Variants in EPG5 observed in about 807,000 individuals in gnomAD.
The protein encoded by EPG5 is ectopic P granules protein 5 homolog.
Under a neutral mutation model 302.7 loss-of-function variants are expected in EPG5, and 159 were observed. The observed-to-expected ratio is 0.53, with a 90% confidence interval of 0.46 to 0.60. The LOEUF is 0.60. Among genes scored for constraint, EPG5 ranks in the 20% least tolerant of loss-of-function variants. The pLI is 0.00. For synonymous variants in EPG5, 1,158 were observed against 1,136.8 expected (o/e 1.02, Z -0.37); for missense variants, 2,896 against 3,092.4 (o/e 0.94, Z 1.51).
rs369326039 is a variant in EPG5, at chr18:45,879,017, T to C, written c.5865A>G (p.Lys1955=). The part of the protein sequence containing the change: ...CLAQDPTASR[K]TVLKSLHSVI... ...ATCGCATGAGAAGTATATTACCTGTTTTCCTGCTGGCAGTTGGGTCTTGGG... is the reference window on the plus strand; with the variant it reads ...ATCGCATGAGAAGTATATTACCTGTCTTCCTGCTGGCAGTTGGGTCTTGGG... Residue 1955 remains lysine (K), a synonymous_variant, in exon 33 of 44, where the codon AAA becomes AAG. Transcript: ENST00000282041. 1.2e-5 allele frequency: 19 copies of C among 1,614,034 alleles called. No individual in the cohort carries two copies. Among genetic ancestry groups the C allele is most frequent in the Non-Finnish European group, 1.4e-5 (17 of 1,179,910 alleles).
chr18:45,903,659 C>G (rs529957202), intron 25 of EPG5, among the ~76,000 whole-genome samples: 19 of 152,170 alleles, frequency 1.2e-4, no homozygotes, highest in Admixed American at 1.2e-3. Context: ...CACTGTTTCT[C>G]TAGAAAAATG....
At chr18:45,886,606 A>G (rs947321880) in intron 29 of EPG5, among the ~76,000 whole-genome samples, 2 of 152,226 alleles carry the variant, frequency 1.3e-5, no homozygotes, top group African/African-American at 4.8e-5. Context: ...GGATTATAAG[A>G]AAGTTTTCTT....
chr18:45,872,275 T>C (rs1175379532), intron 35 of EPG5, among the ~76,000 whole-genome samples: 1 of 152,220 alleles, frequency 6.6e-6, no homozygotes, highest in East Asian at 1.9e-4. Context: ...CTAATGACTA[T>C]ATAAGGGACA....
chr18:45,916,213 A>G lies in EPG5; in HGVS notation c.3385-7T>C, dbSNP rs571924332. 1.2e-6 allele frequency: 2 copies of G among 1,602,858 alleles called. No homozygotes were observed. Among genetic ancestry groups the G allele is most frequent in the Admixed American group, 1.8e-5 (1 of 56,732 alleles). ...TGCTTACAGATATGTGTGCCTGTGG[A>G]GAAAAGGCTCATGTGATGGGAAAGA... On this transcript the variant is annotated splice_region_variant and splice_polypyrimidine_tract_variant and intron_variant, in intron 18 of 43. Coordinates refer to ENST00000282041, the MANE Select transcript of EPG5 (RefSeq NM_020964.3).
In EPG5 at chr18:45,879,202, T is replaced by G. The variant is rs138221907; in HGVS notation, c.5680A>C (p.Ile1894Leu). ...LLSDKQVMET[I>L]QWLSDFFYKL... ...TAAAAAAAGTCTGAAAGCCACTGTA[T>G]AGTCTCCATTACCTGGAAGAGACAA... Residue 1894 changes from isoleucine (I) to leucine (L), a missense_variant, in exon 33 of 44, where the codon ATA (isoleucine) becomes CTA (leucine). Coordinates refer to ENST00000282041, the MANE Select transcript of EPG5 (RefSeq NM_020964.3). The G allele has an allele frequency of 2.5e-6, 4 of 1,609,416 alleles. No individual in the cohort carries two copies. Among genetic ancestry groups the G allele is most frequent in the Non-Finnish European group, 3.4e-6 (4 of 1,178,746 alleles).
At chr18:45,948,602 A>T in intron 5 of EPG5, 26 bp from the exon 6 acceptor site, 1 of 1,573,772 alleles carries the variant, frequency 6.4e-7, no homozygotes, top group Non-Finnish European at 8.7e-7. Context: ...CAAAAAGCAT[A>T]CTGTAGAAAA....
chr18:45,927,843 GTGC>G (rs1468557961), intron 13 of EPG5, among the ~76,000 whole-genome samples: 5 of 152,038 alleles, frequency 3.3e-5, no homozygotes, highest in African/African-American at 7.2e-5. Context: ...TCTATGAAAG[GTGC>G]TTAGGACCCC....
At chr18:45,927,285 C>T (rs1376368920) in intron 13 of EPG5, among the ~76,000 whole-genome samples, 4 of 152,122 alleles carry the variant, frequency 2.6e-5, no homozygotes, top group Admixed American at 6.5e-5. Flanking sequence ...GTGATCCACC[C>T]GCCTCGGCCT....
intron 9 of EPG5, among the ~76,000 whole-genome samples, chr18:45,942,199 C>T (rs376685214): frequency 5.9e-5 from 9 of 151,936 alleles, no homozygotes; most frequent in African/African-American, 1.9e-4. Flanking sequence ...CACTCCAGCC[C>T]GGGTGACAGA....
At chr18:45,916,814 C>A in intron 17 of EPG5, 1 of 307,994 alleles carries the variant, frequency 3.2e-6, no homozygotes, top group Non-Finnish European at 6.1e-6. Flanking sequence ...CAAACACATG[C>A]AAGTTAAACA....
the EPG5 span, among the ~76,000 whole-genome samples, chr18:45,820,872 T>C: frequency 6.6e-6 from 1 of 152,174 alleles, no homozygotes; most frequent in African/African-American, 2.4e-5. Context: ...TCTTACCTGT[T>C]TGAGAATTTG....
the EPG5 span, chr18:45,840,339 T>C: frequency 2.9e-6 from 4 of 1,362,576 alleles, no homozygotes; most frequent in Non-Finnish European, 4.0e-6. Flanking sequence ...GGCAAAGGGC[T>C]GGGGCTGGGG....
chr18:45,946,941 G>A (rs2050795622), intron 6 of EPG5, among the ~76,000 whole-genome samples, 173 bp from the exon 7 acceptor site: 1 of 152,200 alleles, frequency 6.6e-6, no homozygotes, highest in South Asian at 2.1e-4. Context: ...ACTAATTTTG[G>A]TGGAGAATGC....
chr18:45,895,403 TTTGAAC>T (rs2145541425), intron 27 of EPG5, among the ~76,000 whole-genome samples: 1 of 152,178 alleles, frequency 6.6e-6, no homozygotes, highest in East Asian at 1.9e-4. Flanking sequence ...TTTTGTTCGT[TTTGAAC>T]TATTCTGAGA....
At chr18:45,808,794 G>A in the EPG5 span, among the ~76,000 whole-genome samples, 3 of 144,438 alleles carry the variant, frequency 2.1e-5, no homozygotes, top group African/African-American at 7.9e-5. Flanking sequence ...AATATCACAG[G>A]ACCTATAAAA....
intron 11 of EPG5, among the ~76,000 whole-genome samples, chr18:45,933,149 T>G (rs1352968589): frequency 6.6e-6 from 1 of 152,158 alleles, no homozygotes; most frequent in Non-Finnish European, 1.5e-5. Flanking sequence ...GGACAGACAA[T>G]GGCTGTGAGA....
At chr18:45,862,341 G>C (rs1434488851) in intron 39 of EPG5, among the ~76,000 whole-genome samples, 1 of 151,920 alleles carries the variant, frequency 6.6e-6, no homozygotes, top group Non-Finnish European at 1.5e-5. Context: ...TTAAATAACT[G>C]TTTAATGCTT....
At chr18:45,873,529 A>T (rs2048913899) in intron 35 of EPG5, among the ~76,000 whole-genome samples, 3 of 152,020 alleles carry the variant, frequency 2.0e-5, no homozygotes, top group Admixed American at 2.0e-4. Flanking sequence ...AAAAAAAAAG[A>T]AATTAAATAT....
chr18:45,823,419 G>A, the EPG5 span, among the ~76,000 whole-genome samples: 1 of 152,068 alleles, frequency 6.6e-6, no homozygotes. Flanking sequence ...GAGACCCCTT[G>A]TCCCTAAATT....
Sources: allele counts gnomAD v4.1 joint callset (sites outside exome capture counted in the v4.1 genomes callset), GRCh38; gene constraint gnomAD v4.1.1; transcripts MANE v1.5; gene names NCBI Gene and HGNC (gene_info 2026-07-23, HGNC 2026-07-21).